Variants in RELN observed in about 807,000 individuals in gnomAD.
The protein encoded by RELN is reelin.
A neutral mutation model predicts 427.6 loss-of-function variants in RELN; 108 were observed. The observed-to-expected ratio is 0.25, with a 90% CI of 0.22 to 0.30. RELN has a LOEUF of 0.30. Among genes scored for constraint, RELN ranks in the 10% least tolerant of loss-of-function variants. RELN has a pLI of 1.00. For missense variants in RELN, 3,715 were observed against 4,302.8 expected (o/e 0.86, Z 3.82); for synonymous variants, 1,524 against 1,513.4 (o/e 1.01, Z -0.16).
intron 4 of RELN, among the ~76,000 whole-genome samples, chr7:103,766,914 A>G (rs965335210): frequency 1.3e-5 from 2 of 152,212 alleles, no homozygotes; most frequent in African/African-American, 2.4e-5. Flanking sequence ...GCTTCCATCA[A>G]CACAACAACA....
intron 9 of RELN, among the ~76,000 whole-genome samples, chr7:103,699,682 T>C (rs537487636): frequency 3.3e-5 from 5 of 152,108 alleles, no homozygotes; most frequent in Non-Finnish European, 7.4e-5. Context: ...AATGGAGACA[T>C]AGGTAAATTT....
intron 2 of RELN, among the ~76,000 whole-genome samples, chr7:103,841,072 G>C (rs1434801364): frequency 1.3e-5 from 2 of 152,154 alleles, no homozygotes; most frequent in African/African-American, 4.8e-5. Flanking sequence ...AGAGAATTGA[G>C]AGAAAATAAA....
intron 34 of RELN, among the ~76,000 whole-genome samples, chr7:103,562,231 T>G (rs972808076): frequency 2.6e-5 from 4 of 152,222 alleles, no homozygotes; most frequent in African/African-American, 9.6e-5. Context: ...AAAGTTATTT[T>G]GAACTATCCA....
chr7:103,764,220 T>G lies in RELN; in HGVS notation c.545-11006A>C, dbSNP rs187431234. 3.9e-3 allele frequency among the ~76,000 whole-genome samples: 595 copies of G among 152,290 alleles called. 2 individuals are homozygous for G. Among genetic ancestry groups the G allele is most frequent in the Non-Finnish European group, 6.6e-3 (447 of 68,036 alleles). ...ATGTGCTAGCCACTATGCTATGCAC[T>G]TCATCACGACATTTAATCCTCACAA... is the stretch of plus-strand genomic sequence containing the variant. On this transcript the variant is annotated intron_variant, in intron 4 of 64. Transcript: ENST00000428762.
At chr7:103,519,112 C>T (rs971802555) in intron 49 of RELN, among the ~76,000 whole-genome samples, 1 of 152,058 alleles carries the variant, frequency 6.6e-6, no homozygotes, top group South Asian at 2.1e-4. Context: ...TAGAATATTT[C>T]ATCTTATTCT....
chr7:103,513,507 G>A (rs1288992225), intron 50 of RELN: 1 of 152,162 alleles, frequency 6.6e-6, no homozygotes, highest in African/African-American at 2.4e-5. Context: ...GCAGATCTAT[G>A]TAAGCAAATT....
At position 103,711,435 on chromosome 7, in the gene RELN, C is replaced by T. The variant is rs1584426725; in HGVS notation, c.806-10429G>A. On this transcript the variant is annotated intron_variant, in intron 8 of 64. Coordinates refer to ENST00000428762, the MANE Select transcript of RELN (RefSeq NM_005045.4). ...ATCACAGGTCCCAGAGCAAGGGAAT[C>T]CAGAATACAAAATTCATTTTCCACT... Among the ~76,000 whole-genome samples the T allele has an allele frequency of 5.3e-5, 8 of 152,220 alleles. No homozygotes were observed. The South Asian group carries it at 1.5e-3, about 28-fold the overall frequency.
chr7:103,510,967 C>T lies in RELN; in HGVS notation c.8158G>A (p.Glu2720Lys), dbSNP rs1554367200. 2 of 1,613,496 alleles carry T rather than the reference C, an allele frequency of 1.2e-6. No individual in the cohort carries two copies. The highest frequency in any genetic ancestry group is 1.7e-5 in the Admixed American group (1 of 59,964). ...CCATCAGGGGAGTCACAGAATCTTT[C>T]TACTGTACAATCATCATGGAATAGC... ...HWLFHDDCTV[E>K]RFCDSPDGVM... The change falls in exon 51 of 65, where the codon GAA becomes AAA. Residue 2720 changes from glutamate (E) to lysine (K), a missense_variant. Physicochemically the swap from Glu to Lys is moderately conservative, Grantham distance 56 (BLOSUM62 1). Transcript: ENST00000428762.
rs150252511 is a variant in RELN at position 103,539,397 on chromosome 7, C to CGTTT, written c.6931-74_6931-71dup. The CGTTT allele has an allele frequency of 0.047, 70,445 of 1,500,804 alleles. 2,646 individuals are homozygous for CGTTT. The highest frequency in any genetic ancestry group is 0.19 in the East Asian group (7,941 of 41,728). The allele number at this position is 1,500,804 out of a possible 1,614,324, so 93.0% of individuals were successfully genotyped here. On this transcript the variant is annotated intron_variant, in intron 44 of 64. Coordinates refer to ENST00000428762, the MANE Select transcript of RELN (RefSeq NM_005045.4). The stretch of plus-strand genomic sequence containing the variant: ...AAGAAATGGAAAGTTCTGCCTTTTT[C>CGTTT]GTTTGTTTGTTTGTTTGTTTTGATC...
chr7:103,936,938 A>C (rs979991999), intron 1 of RELN, among the ~76,000 whole-genome samples: 1 of 152,224 alleles, frequency 6.6e-6, no homozygotes, highest in African/African-American at 2.4e-5. Flanking sequence ...ACTTCTAGAT[A>C]ATCTTTTATT....
chr7:103,823,723 G>A (rs1793064129), intron 3 of RELN, among the ~76,000 whole-genome samples: 1 of 151,984 alleles, frequency 6.6e-6, no homozygotes, highest in Non-Finnish European at 1.5e-5. Context: ...AGTTTCTAAT[G>A]TGCTTACTAA....
intron 1 of RELN, among the ~76,000 whole-genome samples, chr7:103,917,740 G>T (rs921625738): frequency 6.6e-6 from 1 of 152,018 alleles, no homozygotes; most frequent in Admixed American, 6.6e-5. Context: ...GAAGAAGAAA[G>T]GAAGATCACT....
chr7:103,773,100 T>TTTTCTTTTC (rs1791611988), intron 4 of RELN, among the ~76,000 whole-genome samples: 2 of 128,590 alleles, frequency 1.6e-5, no homozygotes, highest in African/African-American at 3.1e-5. Context: ...GGTTCTCCTC[T>TTTTCTTTTC]TTTCTTTCTT....
intron 11 of RELN, among the ~76,000 whole-genome samples, chr7:103,681,377 T>A (rs969591809): frequency 2.0e-5 from 3 of 152,206 alleles, no homozygotes; most frequent in South Asian, 4.1e-4. Flanking sequence ...CTATTTCATA[T>A]TCATTATGAA....
At chr7:103,533,722 CAATT>C (rs1360483383) in intron 46 of RELN, among the ~76,000 whole-genome samples, 1 of 151,408 alleles carries the variant, frequency 6.6e-6, no homozygotes, top group Admixed American at 6.6e-5. Context: ...GTACAAGAGA[CAATT>C]AAAAGATAGA....
intron 64 of RELN, 27 bp from the exon 65 acceptor site, chr7:103,472,935 A>G (rs1173432295): frequency 6.5e-7 from 1 of 1,547,654 alleles, no homozygotes; most frequent in East Asian, 2.2e-5. Context: ...GGATAGAGGC[A>G]GGGAAGGAAA....
intron 2 of RELN, among the ~76,000 whole-genome samples, chr7:103,884,384 T>C (rs1794677489): frequency 6.6e-6 from 1 of 152,194 alleles, no homozygotes; most frequent in Non-Finnish European, 1.5e-5. Flanking sequence ...AAAGACTTCG[T>C]GTCTAAAACA....
At position 103,671,207 on chromosome 7, in the gene RELN, G is replaced by A. The variant is rs546485365; in HGVS notation, c.1290-9680C>T. On this transcript the variant is annotated intron_variant, in intron 11 of 64. Transcript: ENST00000428762. ...TTGAATGAAGCCTTCTCCACCTATC[G>A]TTGCATTTATAGGTTTTACCTCTAG... 3.9e-5 allele frequency among the ~76,000 whole-genome samples: 6 copies of A among 152,210 alleles called. No individual in the cohort carries two copies. The South Asian group carries it at 8.3e-4, about 21-fold the overall frequency.
chr7:103,577,096 T>C (rs1474340946), intron 28 of RELN, among the ~76,000 whole-genome samples: 2 of 152,326 alleles, frequency 1.3e-5, no homozygotes, highest in East Asian at 3.9e-4. Context: ...CCAATATTTA[T>C]AGACTTTTGA....
Sources: gnomAD v4.1 joint callset for allele counts (sites outside exome capture counted in the v4.1 genomes callset) on GRCh38, gnomAD v4.1.1 for gene constraint, MANE v1.5 for transcripts, NCBI Gene and HGNC (gene_info 2026-07-23, HGNC 2026-07-21) for gene names.